Variants in PLCB4 observed in about 807,000 individuals in gnomAD.
The protein encoded by PLCB4 is 1-phosphatidylinositol 4,5-bisphosphate phosphodiesterase beta-4.
PLCB4 carries 77 observed loss-of-function variants against 178.8 expected under a neutral mutation model. That is an observed-to-expected ratio of 0.43 (90% confidence interval 0.36 to 0.52). PLCB4 has a LOEUF of 0.52. PLCB4 is among the 20% of genes least tolerant of loss of function. The probability of loss-of-function intolerance (pLI) is 0.00; values close to 1 mark genes in which losing one functional copy is unlikely to be tolerated. For missense variants in PLCB4, 1,024 were observed against 1,453.4 expected, an observed-to-expected ratio of 0.70 and a Z score of 4.80; for synonymous variants, 496 against 490.8, an observed-to-expected ratio of 1.01 and a Z score of -0.14.
At chr20:9,363,471 A>T (rs140219900) in intron 8 of PLCB4, among the ~76,000 whole-genome samples, 37 of 152,222 alleles carry the variant, frequency 2.4e-4, no homozygotes, top group African/African-American at 7.0e-4. Flanking sequence ...TTACCTCTGA[A>T]TTTTTTTCTG....
chr20:9,203,843 A>AAGT (rs1261450846), intron 2 of PLCB4, among the ~76,000 whole-genome samples: 14 of 131,974 alleles, frequency 1.1e-4, no homozygotes, highest in Non-Finnish European at 2.2e-4. Context: ...TGGAGATTGC[A>AAGT]CTGGTCTTTT....
Position 9,480,362 on chromosome 20 carries a change from A to C in PLCB4, c.*1353A>C, listed in dbSNP as rs192145916. On this transcript the variant is annotated 3_prime_UTR_variant, in exon 40 of 40. Transcript: ENST00000378473. Reference sequence around the variant, plus strand: ...CACAGCACCAGATGAATTGTTGTATATGCTTGTAAAAATTGATTCTGTGTG... The same window carrying C: ...CACAGCACCAGATGAATTGTTGTATCTGCTTGTAAAAATTGATTCTGTGTG... The C allele has an allele frequency of 9.8e-5, 15 of 152,612 alleles. No homozygotes were observed. The highest frequency in any genetic ancestry group is 2.6e-4 in the Admixed American group (4 of 15,270). 9.5% of individuals were successfully genotyped at this position (152,612 alleles called of 1,614,324 possible).
chr20:9,104,013 C>T (rs1213594856), intron 2 of PLCB4, among the ~76,000 whole-genome samples: 2 of 152,090 alleles, frequency 1.3e-5, no homozygotes, highest in African/African-American at 4.8e-5. Context: ...AACAAACCAC[C>T]GTGAAACTAA....
chr20:9,406,262 T>C (rs62194840), intron 21 of PLCB4, among the ~76,000 whole-genome samples: 23,612 of 152,084 alleles, frequency 0.16, 2,821 homozygotes, highest in African/African-American at 0.32. Flanking sequence ...ATCCTGGTGC[T>C]CAGCTCATAG....
chr20:9,419,790 T>C lies in PLCB4; in HGVS notation c.2052-17T>C. 1.3e-6 allele frequency: 2 copies of C among 1,512,580 alleles called. No homozygotes were observed. The highest frequency in any genetic ancestry group is 1.1e-5 in the South Asian group (1 of 89,040). The allele number at this position is 1,512,580 out of a possible 1,614,324, so 93.7% of individuals were successfully genotyped here. On this transcript the variant is annotated splice_polypyrimidine_tract_variant and intron_variant, in intron 25 of 39. Coordinates refer to ENST00000378473, the MANE Select transcript of PLCB4 (RefSeq NM_001377142.1). The stretch of plus-strand genomic sequence containing the variant: ...TGTAAAACCTACTAATAAACTTCTA[T>C]GCTATTGTCCTACCAGGTACCTTCT...
At position 9,090,225 on chromosome 20, in the gene PLCB4, A is replaced by ATGTGTGTG. The variant is rs11087835; in HGVS notation, c.-134-6046_-134-6039dup. ...TGTTATTTAATTGAGAATACTATTT[A>ATGTGTGTG]TGTGTGTGTGTGTGTGTGTGTGTCT... On this transcript the variant is annotated intron_variant, in intron 1 of 39. Transcript: ENST00000378473. Among the ~76,000 whole-genome samples, 450 of 149,504 alleles carry ATGTGTGTG rather than the reference A, an allele frequency of 3.0e-3. 4 individuals carry two copies. Among genetic ancestry groups the ATGTGTGTG allele is most frequent in the Admixed American group, 4.3e-3 (64 of 14,960 alleles).
At chr20:9,424,713 A>G (rs914927992) in intron 28 of PLCB4, among the ~76,000 whole-genome samples, 1 of 151,708 alleles carries the variant, frequency 6.6e-6, no homozygotes, top group African/African-American at 2.4e-5. Context: ...AATAATAACT[A>G]CCTCCCTCAT....
intron 29 of PLCB4, among the ~76,000 whole-genome samples, chr20:9,436,376 G>GGA (rs2041768683): frequency 6.6e-6 from 1 of 152,154 alleles, no homozygotes; most frequent in Non-Finnish European, 1.5e-5. Flanking sequence ...TTAACAGATA[G>GGA]GATCTCGCTC....
intron 3 of PLCB4, among the ~76,000 whole-genome samples, chr20:9,250,611 G>A (rs867857176): frequency 9.9e-5 from 15 of 152,182 alleles, no homozygotes; most frequent in South Asian, 2.1e-4. Flanking sequence ...GTTCTGTAAC[G>A]TAGGCAGGCA....
intron 38 of PLCB4, among the ~76,000 whole-genome samples, chr20:9,476,516 T>G (rs915516906): frequency 2.6e-5 from 4 of 152,140 alleles, no homozygotes; most frequent in Non-Finnish European, 4.4e-5. Context: ...GCGTTGGTTG[T>G]TTGTTTCGTT....
At chr20:9,408,509 T>A (rs1268520437) in intron 22 of PLCB4, 124 bp from the exon 23 acceptor site, 14 of 573,358 alleles carry the variant, frequency 2.4e-5, no homozygotes, top group Non-Finnish European at 3.2e-6. Flanking sequence ...GCTACTGACA[T>A]GATAATGTAG....
In PLCB4 at chr20:9,179,342, G is replaced by A. The variant is rs566607310; in HGVS notation, c.-78-38048G>A. On this transcript the variant is annotated intron_variant, in intron 2 of 39. Transcript: ENST00000378473. ...AGACTCAATATTGCTGGCTTCAAAG[G>A]TGAAGTAATAGGGCCATGAGATTCC... Among the ~76,000 whole-genome samples the A allele has an allele frequency of 5.9e-5, 9 of 152,206 alleles. No individual in the cohort carries two copies. In the South Asian group the frequency reaches 1.7e-3, roughly 28 times the overall value.
chr20:9,469,943 G>A (rs1034223348), intron 36 of PLCB4, among the ~76,000 whole-genome samples: 9 of 152,158 alleles, frequency 5.9e-5, no homozygotes, highest in Admixed American at 2.6e-4. Context: ...CCTGGATTAC[G>A]CCACCAGCAG....
intron 9 of PLCB4, among the ~76,000 whole-genome samples, chr20:9,369,829 A>G (rs888435125): frequency 2.0e-5 from 3 of 152,250 alleles, no homozygotes; most frequent in Non-Finnish European, 2.9e-5. Context: ...GGCGGAAAGT[A>G]CAAAAACGCT....
At chr20:9,390,678 G>A in intron 17 of PLCB4, 63 bp downstream of exon 17, 1 of 801,532 alleles carries the variant, frequency 1.2e-6, no homozygotes, top group South Asian at 1.4e-5. Flanking sequence ...ATTTCTGAAG[G>A]GTCAAGTAGT....
chr20:9,109,599 G>A (rs1266901239), intron 2 of PLCB4, among the ~76,000 whole-genome samples: 1 of 151,734 alleles, frequency 6.6e-6, no homozygotes, highest in South Asian at 2.1e-4. Context: ...AATTATAAAA[G>A]CTGGGCTCAT....
chr20:9,309,672 G>T (rs957710685), intron 4 of PLCB4, among the ~76,000 whole-genome samples: 4 of 152,142 alleles, frequency 2.6e-5, no homozygotes, highest in Non-Finnish European at 5.9e-5. Flanking sequence ...AGGTAATTTT[G>T]AAGAGATTAC....
intron 28 of PLCB4, among the ~76,000 whole-genome samples, chr20:9,431,625 G>A (rs2041405416): frequency 1.3e-5 from 2 of 149,488 alleles, no homozygotes; most frequent in East Asian, 2.0e-4. Flanking sequence ...ACCACCACAC[G>A]GGGCCAATTT....
chr20:9,154,333 G>A (rs1224345125), intron 2 of PLCB4, among the ~76,000 whole-genome samples: 2 of 152,178 alleles, frequency 1.3e-5, no homozygotes, highest in African/African-American at 4.8e-5. Context: ...GCAACTGCCT[G>A]AATAAAATTG....
Sources: allele counts gnomAD v4.1 joint callset (sites outside exome capture counted in the v4.1 genomes callset), GRCh38; gene constraint gnomAD v4.1.1; transcripts MANE v1.5; gene names NCBI Gene and HGNC (gene_info 2026-07-23, HGNC 2026-07-21).